The following NRXN1 variants were observed in gnomAD, a reference collection of about 807,000 sequenced individuals.
NRXN1 encodes neurexin 1.
NRXN1 carries 39 observed loss-of-function variants against 150.9 expected under a neutral mutation model. The ratio of observed to expected loss-of-function variants is 0.26; its 90% CI spans 0.20 to 0.34. The LOEUF (loss-of-function observed/expected upper bound fraction) is 0.34, where lower values mean the gene tolerates loss of function less well. Ranked by LOEUF, NRXN1 falls within the 10% of genes least tolerant of loss-of-function variation. The pLI is 1.00. For synonymous variants in NRXN1, 924 were observed against 757.0 expected, an observed-to-expected ratio of 1.22 and a Z score of -3.62; for missense variants, 1,815 against 1,949.9, an observed-to-expected ratio of 0.93 and a Z score of 1.30.
chr2:50,313,518 G>A (rs1044867576), intron 17 of NRXN1, among the ~76,000 whole-genome samples: 1 of 152,098 alleles, frequency 6.6e-6, no homozygotes, highest in Non-Finnish European at 1.5e-5. Context: ...TCTGTTCTAT[G>A]GGTGCTAGCA....
chr2:50,362,206 C>T (rs541626674), intron 17 of NRXN1, among the ~76,000 whole-genome samples: 2 of 152,254 alleles, frequency 1.3e-5, no homozygotes, highest in South Asian at 4.1e-4. Flanking sequence ...AGGATGCCCT[C>T]TATCACCACT....
chr2:50,345,597 A>G (rs1423666821), intron 17 of NRXN1, among the ~76,000 whole-genome samples: 1 of 152,228 alleles, frequency 6.6e-6, no homozygotes, highest in Non-Finnish European at 1.5e-5. Context: ...GACTCACAAA[A>G]ACAGATTGAT....
chr2:50,712,727 C>T (rs1355791961), intron 5 of NRXN1, among the ~76,000 whole-genome samples: 1 of 152,128 alleles, frequency 6.6e-6, no homozygotes, highest in Non-Finnish European at 1.5e-5. Flanking sequence ...ATTTGAGCTG[C>T]TCCCCTGCCC....
chr2:50,844,967 C>A (rs1559343109), intron 5 of NRXN1, among the ~76,000 whole-genome samples: 1 of 152,078 alleles, frequency 6.6e-6, no homozygotes, highest in African/African-American at 2.4e-5. Flanking sequence ...TATCCTCCCA[C>A]CTCAGCCTCT....
At chr2:50,340,299 A>G (rs1399359613) in intron 17 of NRXN1, among the ~76,000 whole-genome samples, 1 of 152,208 alleles carries the variant, frequency 6.6e-6, no homozygotes, top group Non-Finnish European at 1.5e-5. Flanking sequence ...TTGTGAGAGA[A>G]TGGAATATTT....
At chr2:50,849,003 A>C (rs938325721) in intron 5 of NRXN1, among the ~76,000 whole-genome samples, 2 of 152,156 alleles carry the variant, frequency 1.3e-5, no homozygotes, top group African/African-American at 4.8e-5. Flanking sequence ...CATCACTCAC[A>C]TTGCTATTCT....
intron 17 of NRXN1, among the ~76,000 whole-genome samples, chr2:50,438,263 T>C (rs920388510): frequency 1.3e-5 from 2 of 152,160 alleles, no homozygotes; most frequent in Non-Finnish European, 2.9e-5. Flanking sequence ...AGTTTTTGTG[T>C]TTCAATTTGC....
At chr2:50,271,532 A>C (rs1417634671) in intron 17 of NRXN1, among the ~76,000 whole-genome samples, 2 of 152,160 alleles carry the variant, frequency 1.3e-5, no homozygotes, top group African/African-American at 4.8e-5. Context: ...CTTTCTGTCT[A>C]AACCATCAAG....
intron 17 of NRXN1, among the ~76,000 whole-genome samples, chr2:50,350,283 A>G (rs191851081): frequency 1.3e-5 from 2 of 152,218 alleles, no homozygotes; most frequent in East Asian, 3.8e-4. Flanking sequence ...TATTTTCTCC[A>G]TAAGGCACAT....
intron 8 of NRXN1, among the ~76,000 whole-genome samples, chr2:50,559,876 G>T (rs1668799595): frequency 6.6e-6 from 1 of 152,082 alleles, no homozygotes. Context: ...TAAGCACAAA[G>T]ATGGTCCTAC....
intron 15 of NRXN1, among the ~76,000 whole-genome samples, chr2:50,475,801 G>C (rs1012614128): frequency 6.6e-6 from 1 of 151,890 alleles, no homozygotes; most frequent in Non-Finnish European, 1.5e-5. Context: ...TCCTTTAGTG[G>C]TCTGAGCCCT....
intron 5 of NRXN1, among the ~76,000 whole-genome samples, chr2:50,855,229 A>T (rs1396780129): frequency 6.6e-6 from 1 of 152,034 alleles, no homozygotes; most frequent in Non-Finnish European, 1.5e-5. Flanking sequence ...TTCATAAAGA[A>T]AACTCACTTT....
intron 18 of NRXN1, among the ~76,000 whole-genome samples, chr2:50,102,662 G>C (rs1331780407): frequency 6.6e-6 from 1 of 151,992 alleles, no homozygotes; most frequent in Non-Finnish European, 1.5e-5. Context: ...TAGCATGAGA[G>C]GAACTGAATA....
In NRXN1 at chr2:50,073,608, G is replaced by T. The variant is rs1228732412; in HGVS notation, c.3718+17715C>A. Among the ~76,000 whole-genome samples the T allele has an allele frequency of 3.9e-5, 6 of 152,144 alleles. No individual in the cohort carries two copies. The East Asian group carries it at 1.2e-3, about 29-fold the overall frequency. Reference sequence around the variant, plus strand: ...AGTAGTGCTCACTTTTTTTAATGCAGTAGAAAAAGAGAAGCAATTTGACAT... The same window carrying T: ...AGTAGTGCTCACTTTTTTTAATGCATTAGAAAAAGAGAAGCAATTTGACAT... On this transcript the variant is annotated intron_variant, in intron 19 of 22. Transcript: ENST00000401669.
chr2:50,170,746 CTCTG>C (rs998576682), intron 18 of NRXN1, among the ~76,000 whole-genome samples: 12 of 148,844 alleles, frequency 8.1e-5, no homozygotes, highest in East Asian at 2.0e-4. Context: ...TTGAGTCTCT[CTCTG>C]TCTGTCGTGT....
chr2:50,207,754 C>T (rs1047841101), intron 18 of NRXN1: 1 of 166,972 alleles, frequency 6.0e-6, no homozygotes, highest in Admixed American at 6.6e-5. Flanking sequence ...AATAATTGTT[C>T]TAATCCATAC....
intron 22 of NRXN1, among the ~76,000 whole-genome samples, chr2:49,923,760 C>T (rs1448121502): frequency 6.6e-6 from 1 of 151,998 alleles, no homozygotes; most frequent in Non-Finnish European, 1.5e-5. Context: ...CTTTTCCTTC[C>T]TCAAATAAAG....
Position 50,346,610 on chromosome 2 carries a change from C to A in NRXN1, c.3365-109640G>T. ...TTGTCGAGCTCCCATTTCTCTGAGC[C>A]TTAGGAGCCCAGGAGCGAGTGCAGG... is the stretch of plus-strand genomic sequence containing the variant. On this transcript the variant is annotated intron_variant, in intron 17 of 22. Coordinates refer to ENST00000401669, the MANE Select transcript of NRXN1 (RefSeq NM_001330078.2). This position sits in a 1 kb window ranked among gnomAD's most constrained non-coding sequence, Gnocchi z 5.0. 1 of 1,474,426 alleles carries A rather than the reference C, an allele frequency of 6.8e-7. No individual in the cohort carries two copies. The highest frequency in any genetic ancestry group is 2.3e-5 in the East Asian group (1 of 43,554). The allele number at this position is 1,474,426 out of a possible 1,614,324, so 91.3% of individuals were successfully genotyped here.
intron 17 of NRXN1, among the ~76,000 whole-genome samples, chr2:50,327,630 C>G (rs894783741): frequency 3.3e-5 from 5 of 151,292 alleles, no homozygotes; most frequent in African/African-American, 1.2e-4. Context: ...TCCTTCCCTC[C>G]CTTCCTTCCT....
Sources: gnomAD v4.1 joint callset for allele counts (sites outside exome capture counted in the v4.1 genomes callset) on GRCh38, gnomAD v4.1.1 for gene constraint, Gnocchi (gnomAD v3.1) non-coding constraint, MANE v1.5 for transcripts, NCBI Gene and HGNC (gene_info 2026-07-23, HGNC 2026-07-21) for gene names.